SRRM4: variants seen among roughly 807,000 people sequenced by gnomAD.
The protein encoded by SRRM4 is serine/arginine repetitive matrix protein 4.
SRRM4 carries 33 observed loss-of-function variants against 68.9 expected under a neutral mutation model. The ratio of observed to expected loss-of-function variants is 0.48; its 90% CI spans 0.36 to 0.64. The LOEUF (loss-of-function observed/expected upper bound fraction) is 0.64, where lower values mean the gene tolerates loss of function less well. SRRM4 is among the 30% of genes least tolerant of loss of function. The pLI is 0.00. For missense variants in SRRM4, 817 were observed against 827.1 expected, an observed-to-expected ratio of 0.99 and a Z score of 0.15; for synonymous variants, 318 against 318.8, an observed-to-expected ratio of 1.00 and a Z score of 0.03.
intron 2 of SRRM4, among the ~76,000 whole-genome samples, chr12:119,107,017 G>A (rs1954111706): frequency 6.6e-6 from 1 of 152,222 alleles, no homozygotes. Context: ...TTTTTAGCAT[G>A]AAGGGTGGTT....
At chr12:118,988,515 C>A (rs1953297143) in intron 1 of SRRM4, among the ~76,000 whole-genome samples, 1 of 152,150 alleles carries the variant, frequency 6.6e-6, no homozygotes, top group East Asian at 1.9e-4. Context: ...AATAGGAAAT[C>A]TAGTCTGCAT....
intron 1 of SRRM4, among the ~76,000 whole-genome samples, chr12:119,040,550 A>G (rs1041250226): frequency 1.3e-5 from 2 of 152,188 alleles, no homozygotes; most frequent in Non-Finnish European, 2.9e-5. Flanking sequence ...ATGGCTGAGT[A>G]GTATTCCATT....
At chr12:119,136,401 G>C (rs1248517087) in intron 8 of SRRM4, among the ~76,000 whole-genome samples, 1 of 152,230 alleles carries the variant, frequency 6.6e-6, no homozygotes, top group African/African-American at 2.4e-5. Flanking sequence ...ATAGTTGAGA[G>C]AAGGGAGGAA....
At chr12:119,076,483 G>T (rs977102436) in intron 1 of SRRM4, among the ~76,000 whole-genome samples, 1 of 152,182 alleles carries the variant, frequency 6.6e-6, no homozygotes, top group Non-Finnish European at 1.5e-5. Context: ...ACATGGCTTT[G>T]TCTCTTCAGG....
chr12:119,115,039 C>T lies in SRRM4; in HGVS notation c.365+675C>T, dbSNP rs76980188. 7.7e-3 allele frequency among the ~76,000 whole-genome samples: 1,162 copies of T among 151,504 alleles called. 22 individuals are homozygous for T. The highest frequency in any genetic ancestry group is 0.027 in the African/African-American group (1,099 of 41,224). ...AGATGCAGAGGACTAGACTAGGCAC[C>T]GTGGTCTTCATTATCTCTTTTATCC... On this transcript the variant is annotated intron_variant, in intron 3 of 12. Coordinates refer to ENST00000267260, the MANE Select transcript of SRRM4 (RefSeq NM_194286.4).
intron 8 of SRRM4, among the ~76,000 whole-genome samples, chr12:119,136,720 G>A (rs567990809): frequency 3.9e-5 from 6 of 152,252 alleles, no homozygotes; most frequent in African/African-American, 1.2e-4. Flanking sequence ...TGGTGATAAT[G>A]TATCTAACTG....
At chr12:119,013,632 T>C (rs1260618230) in intron 1 of SRRM4, among the ~76,000 whole-genome samples, 1 of 152,218 alleles carries the variant, frequency 6.6e-6, no homozygotes, top group Non-Finnish European at 1.5e-5. Flanking sequence ...CTTTGTATTT[T>C]GGATTTTTAA....
intron 1 of SRRM4, among the ~76,000 whole-genome samples, chr12:119,024,829 A>G (rs1953537657): frequency 6.6e-6 from 1 of 152,108 alleles, no homozygotes; most frequent in South Asian, 2.1e-4. Flanking sequence ...AGGACACTCT[A>G]TCCTGAAAAA....
At chr12:119,075,552 T>C (rs1953904743) in intron 1 of SRRM4, among the ~76,000 whole-genome samples, 1 of 151,500 alleles carries the variant, frequency 6.6e-6, no homozygotes, top group Non-Finnish European at 1.5e-5. Flanking sequence ...ATGATGGTGA[T>C]GATGATGGTG....
At chr12:118,982,664 A>ATTTTT (rs1448771127) in intron 1 of SRRM4, among the ~76,000 whole-genome samples, 2 of 59,402 alleles carry the variant, frequency 3.4e-5, no homozygotes, top group East Asian at 3.1e-4. Flanking sequence ...GAAGAGTTTT[A>ATTTTT]TTTTGTTTTT....
intron 8 of SRRM4, chr12:119,144,695 T>C (rs1476247108): frequency 6.6e-6 from 1 of 152,234 alleles, no homozygotes; most frequent in Non-Finnish European, 1.5e-5. Flanking sequence ...GTCAGACTGT[T>C]TAACTTCCAT....
intron 1 of SRRM4, among the ~76,000 whole-genome samples, chr12:119,008,478 T>C (rs1446924587): frequency 6.6e-6 from 1 of 152,196 alleles, no homozygotes; most frequent in Non-Finnish European, 1.5e-5. Context: ...GCTACTCTTA[T>C]CTAATGTTGT....
At chr12:119,044,886 C>G (rs962424988) in intron 1 of SRRM4, among the ~76,000 whole-genome samples, 18 of 152,284 alleles carry the variant, frequency 1.2e-4, no homozygotes, top group Admixed American at 1.1e-3. Context: ...TGAATGTGAA[C>G]TCTATGCATC....
chr12:119,056,708 C>G (rs773377523), intron 1 of SRRM4, among the ~76,000 whole-genome samples: 2 of 152,174 alleles, frequency 1.3e-5, no homozygotes, highest in Non-Finnish European at 2.9e-5. Flanking sequence ...CTTTTGCATG[C>G]ATGGCTATTT....
intron 6 of SRRM4, chr12:119,124,206 T>G (rs1192929397): frequency 6.6e-6 from 1 of 152,286 alleles, no homozygotes; most frequent in Non-Finnish European, 1.5e-5. Flanking sequence ...ATCACCATTG[T>G]TATCATCATC....
rs1383547367 is a variant in SRRM4, at chr12:118,981,865, G to C, written c.-18G>C. 4 of 1,611,410 alleles carry C rather than the reference G, an allele frequency of 2.5e-6. No homozygotes were observed. Among genetic ancestry groups the C allele is most frequent in the East Asian group, 4.5e-5 (2 of 44,816 alleles). On this transcript the variant is annotated 5_prime_UTR_variant, in exon 1 of 13. Coordinates refer to ENST00000267260, the MANE Select transcript of SRRM4 (RefSeq NM_194286.4). ...CTTTGGACAGCGCCCCGGACGCCCC[G>C]GCCCCTTTGGGTTGGCGATGGCGAG...
At chr12:119,050,384 G>T (rs2136016518) in intron 1 of SRRM4, among the ~76,000 whole-genome samples, 1 of 152,306 alleles carries the variant, frequency 6.6e-6, no homozygotes, top group East Asian at 1.9e-4. Context: ...AACAAGACAG[G>T]GCTCTGCTTT....
intron 1 of SRRM4, among the ~76,000 whole-genome samples, chr12:119,017,235 G>A (rs1208828750): frequency 1.3e-5 from 2 of 152,244 alleles, no homozygotes; most frequent in Non-Finnish European, 2.9e-5. Flanking sequence ...AACCCATCAA[G>A]TGCATCGTGG....
chr12:119,030,529 G>GA (rs1215539243), intron 1 of SRRM4, among the ~76,000 whole-genome samples: 6 of 151,618 alleles, frequency 4.0e-5, no homozygotes, highest in African/African-American at 7.3e-5. Context: ...CAGAAGTACA[G>GA]AAAAAAAGAA....
Sources: gnomAD v4.1 joint callset for allele counts (sites outside exome capture counted in the v4.1 genomes callset) on GRCh38, gnomAD v4.1.1 for gene constraint, MANE v1.5 for transcripts, NCBI Gene and HGNC (gene_info 2026-07-23, HGNC 2026-07-21) for gene names.